The following FANCC variants were observed in gnomAD, a reference collection of about 807,000 sequenced individuals.
FANCC encodes FA complementation group C.
Under a neutral mutation model 71.3 loss-of-function variants are expected in FANCC, and 55 were observed. That is an observed-to-expected ratio of 0.77 (90% CI 0.62 to 0.97). The LOEUF (loss-of-function observed/expected upper bound fraction) is 0.97. FANCC is among the 50% of genes least tolerant of loss of function. The pLI is 0.00. For synonymous variants in FANCC, 275 were observed against 244.9 expected, an observed-to-expected ratio of 1.12 and a Z score of -1.15; for missense variants, 678 against 670.9, an observed-to-expected ratio of 1.01 and a Z score of -0.12.
At chr9:95,248,950 T>C (rs1436953743) in intron 2 of FANCC, among the ~76,000 whole-genome samples, 177 bp downstream of exon 2, 2 of 152,132 alleles carry the variant, frequency 1.3e-5, no homozygotes, top group Admixed American at 1.3e-4. Context: ...GAAGAAATTA[T>C]AATAATATAA....
intron 1 of FANCC, among the ~76,000 whole-genome samples, chr9:95,291,106 C>T (rs1303793849): frequency 6.6e-6 from 1 of 151,960 alleles, no homozygotes; most frequent in Non-Finnish European, 1.5e-5. Context: ...TGTGACAGAC[C>T]CACAACTAAC....
At chr9:95,123,959 C>T in intron 10 of FANCC, 1 of 368,738 alleles carries the variant, frequency 2.7e-6, no homozygotes, top group Non-Finnish European at 5.3e-6. Flanking sequence ...AAAAAGTAGC[C>T]ATGAGTGGTG....
chr9:95,250,908 C>T lies in FANCC; in HGVS notation c.-78-1539G>A, dbSNP rs1370327564. Among the ~76,000 whole-genome samples, 7 of 152,342 alleles carry T rather than the reference C, an allele frequency of 4.6e-5. No homozygotes were observed. In the South Asian group the frequency reaches 1.2e-3, roughly 27 times the overall value. On this transcript the variant is annotated intron_variant, in intron 1 of 14. Coordinates refer to ENST00000289081, the MANE Select transcript of FANCC (RefSeq NM_000136.3). ...TTCCCCTGGGTAAAACCTCTCTTCA[C>T]GCTTCCTTGAAAAGAAACTTAAACT...
At chr9:95,213,003 C>T (rs1245603601) in intron 4 of FANCC, among the ~76,000 whole-genome samples, 1 of 152,148 alleles carries the variant, frequency 6.6e-6, no homozygotes, top group Non-Finnish European at 1.5e-5. Context: ...TGTGGCTTGT[C>T]TGAACTGAGA....
intron 4 of FANCC, among the ~76,000 whole-genome samples, chr9:95,194,962 G>C (rs1461965145): frequency 6.6e-6 from 1 of 152,110 alleles, no homozygotes. Context: ...CACTTTGGGA[G>C]GCTGAGGCAG....
intron 4 of FANCC, among the ~76,000 whole-genome samples, chr9:95,204,232 T>A (rs1033166177): frequency 3.3e-5 from 5 of 152,210 alleles, no homozygotes; most frequent in Non-Finnish European, 7.3e-5. Context: ...AAACAATACA[T>A]AGAACATTTA....
rs775982309 is a variant in FANCC at position 95,171,099 on chromosome 9, AT to A, written c.500del (p.Asn167MetfsTer27). 1.2e-6 allele frequency: 2 copies of A among 1,613,508 alleles called. No homozygotes were observed. Among genetic ancestry groups the A allele is most frequent in the Non-Finnish European group, 1.7e-6 (2 of 1,179,548 alleles). Reference sequence around the variant, plus strand: ...CCTACCGCCTTTGAGTGTTAAATCCATTAAGATGATTCTCTCTGAGTTCAGA... The same window carrying A: ...CCTACCGCCTTTGAGTGTTAAATCCATAAGATGATTCTCTCTGAGTTCAGA... ...LASELRENHL[N>X]GFNTQRRMAP... On this transcript the variant is annotated frameshift_variant, in exon 6 of 15. Coordinates refer to ENST00000289081, the MANE Select transcript of FANCC (RefSeq NM_000136.3). LOFTEE classifies it high-confidence loss of function.
At chr9:95,123,666 C>T in intron 10 of FANCC, 1 of 643,930 alleles carries the variant, frequency 1.6e-6, no homozygotes. Context: ...GAGGCTGCAG[C>T]AGTCAGGGAC....
At chr9:95,297,543 C>T (rs1834458249) in intron 1 of FANCC, among the ~76,000 whole-genome samples, 1 of 152,144 alleles carries the variant, frequency 6.6e-6, no homozygotes, top group African/African-American at 2.4e-5. Context: ...CTCTTGTTAC[C>T]TCTTCTGGAG....
At chr9:95,198,978 G>T (rs1311891311) in intron 4 of FANCC, among the ~76,000 whole-genome samples, 4 of 152,106 alleles carry the variant, frequency 2.6e-5, no homozygotes, top group Non-Finnish European at 5.9e-5. Context: ...GGGCTCAAGT[G>T]ATCCTCTTGC....
intron 12 of FANCC, among the ~76,000 whole-genome samples, chr9:95,112,087 A>G (rs998198163): frequency 6.6e-6 from 1 of 152,192 alleles, no homozygotes; most frequent in African/African-American, 2.4e-5. Flanking sequence ...AGCAACTACG[A>G]ATTTTTAATG....
intron 1 of FANCC, among the ~76,000 whole-genome samples, chr9:95,253,154 C>A (rs1464664745): frequency 6.6e-6 from 1 of 152,206 alleles, no homozygotes; most frequent in African/African-American, 2.4e-5. Context: ...ATGCAGTGCA[C>A]TGATCCTCAA....
At chr9:95,276,149 A>C (rs1833025287) in intron 1 of FANCC, among the ~76,000 whole-genome samples, 1 of 152,206 alleles carries the variant, frequency 6.6e-6, no homozygotes, top group African/African-American at 2.4e-5. Flanking sequence ...CAGGAAACTA[A>C]ATACAAAAGC....
chr9:95,117,337 C>A lies in FANCC; in HGVS notation c.1050G>T (p.Met350Ile). 1 of 1,614,090 alleles carries A rather than the reference C, an allele frequency of 6.2e-7. No individual in the cohort carries two copies. Among genetic ancestry groups the A allele is most frequent in the Non-Finnish European group, 8.5e-7 (1 of 1,180,026 alleles). Reference protein sequence around the residue: ...YFPYTSPSLAMVLLQDPQDIP... With the variant: ...YFPYTSPSLAIVLLQDPQDIP... ...CACCTTGAGGGTCTTGCAGCAGCAC[C>A]ATGGCAAGAGATGGAGAAGTGTAAG... Residue 350 changes from methionine (M) to isoleucine (I), a missense_variant, in exon 11 of 15, where the codon ATG becomes ATT. Transcript: ENST00000289081.
chr9:95,292,840 A>G, intron 1 of FANCC: 1 of 1,585,912 alleles, frequency 6.3e-7, no homozygotes, highest in Non-Finnish European at 8.7e-7. Context: ...AAATGTAGCA[A>G]GTGCAGCAAT....
intron 1 of FANCC, among the ~76,000 whole-genome samples, chr9:95,261,169 C>T (rs1403993907): frequency 6.6e-6 from 1 of 152,174 alleles, no homozygotes; most frequent in Admixed American, 6.5e-5. Context: ...CCGTGCAGCT[C>T]CAAAAAATGC....
rs1353498563 is a variant in FANCC at position 95,249,149 on chromosome 9, A to G, written c.143T>C (p.Met48Thr). 4 of 1,613,910 alleles carry G rather than the reference A, an allele frequency of 2.5e-6. No homozygotes were observed. The highest frequency in any genetic ancestry group is 3.4e-6 in the Non-Finnish European group (4 of 1,179,960). Residue 48 changes from methionine (M) to threonine (T), a missense_variant, in exon 2 of 15, where the codon ATG becomes ACG. Coordinates refer to ENST00000289081, the MANE Select transcript of FANCC (RefSeq NM_000136.3). ...VAQFQEFLRKMYEALKEMDSN... is the reference protein window; with the variant it reads ...VAQFQEFLRKTYEALKEMDSN... The stretch of plus-strand genomic sequence containing the variant: ...TACCATCTCTTTCAAGGCTTCATAC[A>G]TCTTCCTTAGGAACTCCTGGAACTG...
intron 3 of FANCC, among the ~76,000 whole-genome samples, chr9:95,244,701 AAAAAAAAAAAAAC>A: frequency 1.3e-5 from 2 of 149,542 alleles, no homozygotes; most frequent in South Asian, 2.1e-4. Flanking sequence ...AAAAAAAAAA[AAAAAAAAAAAAAC>A]CCAACACTTG....
intron 6 of FANCC, among the ~76,000 whole-genome samples, chr9:95,161,284 G>A (rs1041976761): frequency 2.6e-5 from 4 of 152,194 alleles, no homozygotes; most frequent in Non-Finnish European, 5.9e-5. Flanking sequence ...GAAGGAGGAA[G>A]GAGGCCTGGA....
Sources: allele counts gnomAD v4.1 joint callset (sites outside exome capture counted in the v4.1 genomes callset), GRCh38; gene constraint gnomAD v4.1.1; transcripts MANE v1.5; gene names NCBI Gene and HGNC (gene_info 2026-07-23, HGNC 2026-07-21).